The following SDCCAG8 variants were observed in gnomAD, a reference collection of about 807,000 sequenced individuals.
The protein encoded by SDCCAG8 is SHH signaling and ciliogenesis regulator SDCCAG8.
SDCCAG8 carries 74 observed loss-of-function variants against 101.8 expected under a neutral mutation model. That is an observed-to-expected ratio of 0.73 (90% CI 0.60 to 0.88). The LOEUF (loss-of-function observed/expected upper bound fraction) is 0.88. Among genes scored for constraint, SDCCAG8 ranks in the 40% least tolerant of loss-of-function variants. The pLI is 0.00. For missense variants in SDCCAG8, 787 were observed against 822.6 expected (o/e 0.96, Z 0.53); for synonymous variants, 281 against 292.9 (o/e 0.96, Z 0.41).
intron 4 of SDCCAG8, among the ~76,000 whole-genome samples, chr1:243,278,740 T>C (rs1480352426): frequency 6.6e-6 from 1 of 152,166 alleles, no homozygotes; most frequent in African/African-American, 2.4e-5. Context: ...TATTTTCTCC[T>C]TTCCAATATA....
At chr1:243,464,779 G>C (rs1287944594) in intron 16 of SDCCAG8, among the ~76,000 whole-genome samples, 1 of 152,258 alleles carries the variant, frequency 6.6e-6, no homozygotes, top group Non-Finnish European at 1.5e-5. Flanking sequence ...TGCTTGCATA[G>C]GGTGAGTGAG....
intron 4 of SDCCAG8, 74 bp downstream of exon 4, chr1:243,274,730 C>A: frequency 1.1e-6 from 1 of 909,452 alleles, no homozygotes; most frequent in Non-Finnish European, 1.8e-6. Flanking sequence ...TTAAAATTTG[C>A]TGCTATAAAT....
chr1:243,421,050 C>T (rs1373590893), intron 15 of SDCCAG8, among the ~76,000 whole-genome samples: 3 of 152,206 alleles, frequency 2.0e-5, no homozygotes, highest in Admixed American at 6.5e-5. Flanking sequence ...AAAGTTTTGT[C>T]ATTGTGGAAA....
chr1:243,492,163 G>A (rs193011568), intron 17 of SDCCAG8, among the ~76,000 whole-genome samples: 281 of 151,994 alleles, frequency 1.8e-3, no homozygotes, highest in Non-Finnish European at 3.3e-3. Context: ...GCTGGCAGAG[G>A]GAGCCCCTGG....
chr1:243,265,706 G>C (rs549681749), intron 1 of SDCCAG8, among the ~76,000 whole-genome samples: 18 of 151,990 alleles, frequency 1.2e-4, no homozygotes, highest in African/African-American at 4.1e-4. Flanking sequence ...CCAGCTACTC[G>C]GGAGGCTGAG....
At chr1:243,450,587 A>G (rs2083275750) in intron 16 of SDCCAG8, among the ~76,000 whole-genome samples, 1 of 152,230 alleles carries the variant, frequency 6.6e-6, no homozygotes, top group South Asian at 2.1e-4. Flanking sequence ...TAGTAGAGAT[A>G]TGAGTGGACA....
chr1:243,280,379 G>C (rs940369519), intron 4 of SDCCAG8, among the ~76,000 whole-genome samples: 2 of 151,556 alleles, frequency 1.3e-5, no homozygotes, highest in African/African-American at 4.8e-5. Flanking sequence ...TCTTTTCAAA[G>C]ACCCAACTTT....
At chr1:243,344,158 C>T in intron 11 of SDCCAG8, 57 bp from the exon 12 acceptor site, 3 of 1,380,948 alleles carry the variant, frequency 2.2e-6, no homozygotes, top group Non-Finnish European at 3.1e-6. Flanking sequence ...GATCTAATTG[C>T]AGGCATTGCC....
chr1:243,294,872 A>T (rs2070713863), intron 6 of SDCCAG8, among the ~76,000 whole-genome samples: 1 of 152,186 alleles, frequency 6.6e-6, no homozygotes, highest in Admixed American at 6.5e-5. Flanking sequence ...AGAGTTGATC[A>T]ACAATGATGA....
chr1:243,408,873 G>C (rs2079970581), intron 13 of SDCCAG8, among the ~76,000 whole-genome samples: 1 of 152,146 alleles, frequency 6.6e-6, no homozygotes, highest in Non-Finnish European at 1.5e-5. Context: ...GTAATTAGTA[G>C]CTTCTTAAAA....
intron 12 of SDCCAG8, among the ~76,000 whole-genome samples, chr1:243,371,571 G>A (rs1207835616): frequency 1.3e-5 from 2 of 152,142 alleles, no homozygotes; most frequent in East Asian, 3.9e-4. Context: ...CATGAAGTCA[G>A]CGTTATGTGC....
At chr1:243,371,662 C>T (rs936731398) in intron 12 of SDCCAG8, among the ~76,000 whole-genome samples, 1 of 152,088 alleles carries the variant, frequency 6.6e-6, no homozygotes, top group Admixed American at 6.6e-5. Context: ...AGAGGATAAT[C>T]ATTTTTGGCT....
At position 243,476,899 on chromosome 1, in the gene SDCCAG8, G is replaced by T. The variant is rs113430845; in HGVS notation, c.1986-12115G>T. ...AATTGACTGTAGTTGGTAATATACT[G>T]TGGTTCTGTAAGAGAATGCCTTTAT... is the stretch of plus-strand genomic sequence containing the variant. On this transcript the variant is annotated intron_variant, in intron 16 of 17. Transcript: ENST00000366541. Among the ~76,000 whole-genome samples, 109 of 152,142 alleles carry T rather than the reference G, an allele frequency of 7.2e-4. 2 individuals carry two copies. Among genetic ancestry groups the T allele is most frequent in the African/African-American group, 2.2e-3 (91 of 41,436 alleles).
intron 10 of SDCCAG8, among the ~76,000 whole-genome samples, chr1:243,335,080 A>G (rs2074904951): frequency 1.3e-5 from 2 of 152,146 alleles, no homozygotes; most frequent in African/African-American, 2.4e-5. Context: ...TGCTCAGTAT[A>G]TATTAGATGA....
At chr1:243,359,252 T>C (rs1193459863) in intron 12 of SDCCAG8, among the ~76,000 whole-genome samples, 1 of 152,178 alleles carries the variant, frequency 6.6e-6, no homozygotes, top group Admixed American at 6.5e-5. Context: ...ATTTCATTGC[T>C]AATACAGATG....
chr1:243,325,741 T>C (rs891565767), intron 9 of SDCCAG8, among the ~76,000 whole-genome samples: 4 of 152,170 alleles, frequency 2.6e-5, no homozygotes, highest in African/African-American at 7.2e-5. Flanking sequence ...GTTTCTTCAA[T>C]TGAGTGATAA....
intron 6 of SDCCAG8, among the ~76,000 whole-genome samples, chr1:243,296,378 T>A (rs2070877517): frequency 6.6e-6 from 1 of 152,094 alleles, no homozygotes; most frequent in Middle Eastern, 3.2e-3. Flanking sequence ...TGACCCTACA[T>A]TCACTTCCAA....
intron 4 of SDCCAG8, among the ~76,000 whole-genome samples, chr1:243,278,980 G>A (rs2068803225): frequency 6.6e-6 from 1 of 151,976 alleles, no homozygotes. Flanking sequence ...TTGTAGAATT[G>A]AGGTCTCATC....
intron 12 of SDCCAG8, among the ~76,000 whole-genome samples, chr1:243,373,630 G>A (rs1323053737): frequency 6.6e-6 from 1 of 152,040 alleles, no homozygotes. Flanking sequence ...ACTTCTCATG[G>A]TTAATCACCA....
Sources: gnomAD v4.1 joint callset for allele counts (sites outside exome capture counted in the v4.1 genomes callset) on GRCh38, gnomAD v4.1.1 for gene constraint, MANE v1.5 for transcripts, NCBI Gene and HGNC (gene_info 2026-07-23, HGNC 2026-07-21) for gene names.